Variants in SCNN1G observed in about 807,000 individuals in gnomAD.
SCNN1G encodes the protein sodium channel epithelial 1 subunit gamma, also known as epithelial sodium channel subunit gamma.
A neutral mutation model predicts 64.6 loss-of-function variants in SCNN1G; 27 were observed. That is an observed-to-expected ratio of 0.42 (90% CI 0.31 to 0.58). SCNN1G has a LOEUF of 0.58. Ranked by LOEUF, SCNN1G falls within the 20% of genes least tolerant of loss-of-function variation. SCNN1G has a pLI of 0.18. For missense variants in SCNN1G, 743 were observed against 823.4 expected, an observed-to-expected ratio of 0.90 and a Z score of 1.19; for synonymous variants, 330 against 314.2, an observed-to-expected ratio of 1.05 and a Z score of -0.53.
intron 6 of SCNN1G, among the ~76,000 whole-genome samples, chr16:23,209,448 C>A (rs1960043609): frequency 6.6e-6 from 1 of 152,168 alleles, no homozygotes; most frequent in South Asian, 2.1e-4. Context: ...TCATTAAACA[C>A]CATCCAGATT....
rs552244270 is a variant in SCNN1G, at chr16:23,201,114, A to G, written c.1077+3687A>G. On this transcript the variant is annotated intron_variant, in intron 6 of 12. Transcript: ENST00000300061. ...AGACTTTTTTAAGAGATAGCCACTT[A>G]AGCAGCTGGGCAACTCATTCTTTTG... is the stretch of plus-strand genomic sequence containing the variant. 2.8e-4 allele frequency among the ~76,000 whole-genome samples: 42 copies of G among 152,356 alleles called. 1 individual carries two copies. Among genetic ancestry groups the G allele is most frequent in the African/African-American group, 9.6e-4 (40 of 41,588 alleles).
intron 7 of SCNN1G, among the ~76,000 whole-genome samples, chr16:23,210,305 T>C (rs1198341464): frequency 1.3e-5 from 2 of 152,112 alleles, no homozygotes; most frequent in East Asian, 3.9e-4. Flanking sequence ...CCAGGTGGCA[T>C]ACCTGGTTTT....
At chr16:23,203,440 T>G (rs1423127008) in intron 6 of SCNN1G, among the ~76,000 whole-genome samples, 1 of 152,098 alleles carries the variant, frequency 6.6e-6, no homozygotes, top group Non-Finnish European at 1.5e-5. Flanking sequence ...TAGCCAGACT[T>G]TATTTCACAA....
chr16:23,200,082 A>G (rs968670987), intron 6 of SCNN1G, among the ~76,000 whole-genome samples: 36 of 152,120 alleles, frequency 2.4e-4, no homozygotes, highest in African/African-American at 8.0e-4. Context: ...AATATCCCCA[A>G]TTAAACTTCC....
Position 23,215,310 on chromosome 16 carries a change from T to C in SCNN1G, c.1791T>C (p.Asp597=). 6.2e-7 allele frequency: 1 copy of C among 1,614,144 alleles called. No homozygotes were observed. The highest frequency in any genetic ancestry group is 8.5e-7 in the Non-Finnish European group (1 of 1,180,018). The change falls in exon 13 of 13, where the codon GAT becomes GAC. Residue 597 remains aspartate, a synonymous_variant. Transcript: ENST00000300061. ...AGGGCCAGGACAATCCAGCCCTGGA[T>C]ATAGACGATGACCTACCCACTTTCA... The part of the protein sequence containing the change: ...SPQGQDNPAL[D]IDDDLPTFNS...
At chr16:23,197,774 G>A (rs1376141970) in intron 6 of SCNN1G, among the ~76,000 whole-genome samples, 2 of 152,066 alleles carry the variant, frequency 1.3e-5, no homozygotes, top group South Asian at 2.1e-4. Flanking sequence ...CAGTTACTAG[G>A]GAGGCTGAGG....
intron 3 of SCNN1G, among the ~76,000 whole-genome samples, chr16:23,191,462 A>C (rs1959707366): frequency 6.6e-6 from 1 of 152,000 alleles, no homozygotes; most frequent in Admixed American, 6.6e-5. Context: ...ACAAGATTTC[A>C]CTCTGTCACT....
intron 6 of SCNN1G, 42 bp from the exon 7 acceptor site, chr16:23,209,708 C>CGGGG (rs762230290): frequency 6.7e-7 from 1 of 1,484,940 alleles, no homozygotes; most frequent in South Asian, 1.1e-5. Flanking sequence ...CGCCTGGGTC[C>CGGGG]GGGGGGAGGA....
intron 1 of SCNN1G, among the ~76,000 whole-genome samples, chr16:23,184,800 G>A (rs966382684): frequency 6.6e-6 from 1 of 152,132 alleles, no homozygotes; most frequent in African/African-American, 2.4e-5. Flanking sequence ...AATCTTGATG[G>A]GGCACATCGA....
chr16:23,188,313 A>G (rs1959647217), intron 2 of SCNN1G, among the ~76,000 whole-genome samples: 1 of 152,198 alleles, frequency 6.6e-6, no homozygotes, highest in Admixed American at 6.5e-5. Context: ...ATTCGAGACC[A>G]GCCTGGGCAA....
At position 23,192,550 on chromosome 16, in the gene SCNN1G, G is replaced by C; in HGVS notation, c.809+8G>C. ...AGTGTCCTGTGATGCCAGGTCAGGA[G>C]AGAATGCTGCTCTCTCAGCCTCTAA... On this transcript the variant is annotated splice_region_variant and intron_variant, in intron 4 of 12. Transcript: ENST00000300061. 1 of 1,609,074 alleles carries C rather than the reference G, an allele frequency of 6.2e-7. No homozygotes were observed. The highest frequency in any genetic ancestry group is 8.5e-7 in the Non-Finnish European group (1 of 1,177,892).
At chr16:23,204,893 G>T (rs557336597) in intron 6 of SCNN1G, among the ~76,000 whole-genome samples, 6 of 151,910 alleles carry the variant, frequency 3.9e-5, no homozygotes, top group Non-Finnish European at 8.8e-5. Flanking sequence ...GCTTACTGCC[G>T]CTCTGACCTC....
At chr16:23,197,069 G>A (rs1232554684) in intron 5 of SCNN1G, among the ~76,000 whole-genome samples, 195 bp from the exon 6 acceptor site, 1 of 152,220 alleles carries the variant, frequency 6.6e-6, no homozygotes, top group African/African-American at 2.4e-5. Flanking sequence ...GGGCTAAGCT[G>A]TGGGGGCACA....
In SCNN1G at chr16:23,214,712, G is replaced by A. The variant is rs1196936954; in HGVS notation, c.1494G>A (p.Lys498=). 1 of 1,613,540 alleles carries A rather than the reference G, an allele frequency of 6.2e-7. No individual in the cohort carries two copies. The highest frequency in any genetic ancestry group is 8.5e-7 in the Non-Finnish European group (1 of 1,179,488). ...QGRQVNKKLN[K]TDLAKLLIFY... is the part of the protein sequence containing the mutation. ...TGATTCACCTGTTGGAATTTTGCAG[G>A]ACAGACTTGGCCAAACTCTTGATAT... Residue 498 remains lysine, a splice_region_variant and synonymous_variant, in exon 12 of 13, where the codon AAG becomes AAA. Transcript: ENST00000300061.
chr16:23,215,029 T>C, intron 12 of SCNN1G, 60 bp from the exon 13 acceptor site: 1 of 1,604,198 alleles, frequency 6.2e-7, no homozygotes, highest in African/African-American at 1.3e-5. Flanking sequence ...TCAGGGTTCC[T>C]GTGTGAGGCC....
chr16:23,209,072 C>G (rs1277336444), intron 6 of SCNN1G, among the ~76,000 whole-genome samples: 1 of 152,140 alleles, frequency 6.6e-6, no homozygotes, highest in African/African-American at 2.4e-5. Context: ...TTCAGCCATA[C>G]CAGCCCATCT....
In SCNN1G at chr16:23,215,553, G is replaced by A; in HGVS notation, c.*84G>A. The A allele has an allele frequency of 6.6e-7, 1 of 1,526,252 alleles. No homozygotes were observed. Among genetic ancestry groups the A allele is most frequent in the South Asian group, 1.1e-5 (1 of 89,326 alleles). 94.5% of individuals were successfully genotyped at this position (1,526,252 alleles called of 1,614,324 possible). On this transcript the variant is annotated 3_prime_UTR_variant, in exon 13 of 13. Coordinates refer to ENST00000300061, the MANE Select transcript of SCNN1G (RefSeq NM_001039.4). ...TCGGGTGCCCCCAGACGTGTGCACA[G>A]GGGACCCTCTGCCCCACTCTGGGCT...
intron 6 of SCNN1G, among the ~76,000 whole-genome samples, chr16:23,208,571 C>T (rs1029681007): frequency 3.3e-5 from 5 of 151,770 alleles, no homozygotes; most frequent in African/African-American, 7.3e-5. Context: ...TCCCTGCTCC[C>T]GCTTCCTTTC....
chr16:23,209,815 C>T lies in SCNN1G; in HGVS notation c.1143C>T (p.Ile381=). ...CGGAGGACGGGAGTGACGTGCCAATCAGGAACATCTACAACGCTGCCTACT... is the reference window on the plus strand; with the variant it reads ...CGGAGGACGGGAGTGACGTGCCAATTAGGAACATCTACAACGCTGCCTACT... ...QCTEDGSDVP[I]RNIYNAAYSL... The change falls in exon 7 of 13, where the codon ATC becomes ATT. Residue 381 remains isoleucine, a synonymous_variant. Coordinates refer to ENST00000300061, the MANE Select transcript of SCNN1G (RefSeq NM_001039.4). 1 of 1,614,032 alleles carries T rather than the reference C, an allele frequency of 6.2e-7. No individual in the cohort carries two copies. The highest frequency in any genetic ancestry group is 8.5e-7 in the Non-Finnish European group (1 of 1,179,888).
Sources: allele counts gnomAD v4.1 joint callset (sites outside exome capture counted in the v4.1 genomes callset), GRCh38; gene constraint gnomAD v4.1.1; transcripts MANE v1.5; gene names NCBI Gene and HGNC (gene_info 2026-07-23, HGNC 2026-07-21).